Variants in PCDHGA4 observed in about 807,000 individuals in gnomAD.
PCDHGA4 encodes the protein protocadherin gamma subfamily A, 4.
Under a neutral mutation model 54.6 loss-of-function variants are expected in PCDHGA4, and 38 were observed. That is an observed-to-expected ratio of 0.70 (90% CI 0.54 to 0.91). PCDHGA4 has a LOEUF of 0.91. PCDHGA4 is among the 40% of genes least tolerant of loss of function. PCDHGA4 has a pLI of 0.00. For synonymous variants in PCDHGA4, 511 were observed against 512.9 expected (o/e 1.00, Z 0.05); for missense variants, 1,298 against 1,220.9 (o/e 1.06, Z -0.94).
Position 141,393,196 on chromosome 5 carries a change from A to G in PCDHGA4, c.2514+35575A>G, listed in dbSNP as rs369051018. 9.7e-5 allele frequency: 157 copies of G among 1,613,374 alleles called. No individual in the cohort carries two copies. The highest frequency in any genetic ancestry group is 1.3e-4 in the Non-Finnish European group (149 of 1,179,898). On this transcript the variant is annotated intron_variant, in intron 1 of 3. Coordinates refer to ENST00000571252, the MANE Select transcript of PCDHGA4 (RefSeq NM_018917.4). ...GAAATAGAAATAATTGATATTAACG[A>G]TAATAACCCAAAATTCCAGGTCGAA...
At chr5:141,421,849 G>C in intron 1 of PCDHGA4, 4 of 1,613,766 alleles carry the variant, frequency 2.5e-6, no homozygotes, top group Non-Finnish European at 3.4e-6. Flanking sequence ...GAAAGAGGCT[G>C]CTCACCTGCT....
chr5:141,374,507 A>T, intron 1 of PCDHGA4: 1 of 1,611,446 alleles, frequency 6.2e-7, no homozygotes. Flanking sequence ...GGAAGTGAAA[A>T]TTCTCGAAAA....
intron 1 of PCDHGA4, chr5:141,385,151 A>T: frequency 6.2e-7 from 1 of 1,614,224 alleles, no homozygotes; most frequent in Non-Finnish European, 8.5e-7. Context: ...GCTTTCCTGC[A>T]GACCTATTCC....
chr5:141,361,797 C>T, intron 1 of PCDHGA4: 3 of 1,613,222 alleles, frequency 1.9e-6, no homozygotes, highest in Non-Finnish European at 2.5e-6. Flanking sequence ...TAGTGGGCGA[C>T]CTCAATGACA....
intron 1 of PCDHGA4, chr5:141,371,246 T>G: frequency 6.2e-7 from 1 of 1,614,006 alleles, no homozygotes; most frequent in South Asian, 1.1e-5. Flanking sequence ...TCATCAATAT[T>G]GGCAAGGAAG....
chr5:141,395,148 C>T (rs1288484224), intron 1 of PCDHGA4: 19 of 1,614,078 alleles, frequency 1.2e-5, no homozygotes, highest in Non-Finnish European at 1.6e-5. Context: ...CGCAGACATG[C>T]TCATCAGTCA....
In PCDHGA4 at chr5:141,432,262, A is replaced by G; in HGVS notation, c.2515-62545A>G. 1.9e-6 allele frequency: 3 copies of G among 1,614,222 alleles called. No homozygotes were observed. Among genetic ancestry groups the G allele is most frequent in the Non-Finnish European group, 2.5e-6 (3 of 1,180,036 alleles). On this transcript the variant is annotated intron_variant, in intron 1 of 3. Coordinates refer to ENST00000571252, the MANE Select transcript of PCDHGA4 (RefSeq NM_018917.4). This position sits in a 1 kb window ranked among gnomAD's most constrained non-coding sequence, Gnocchi z 6.0. ...AGAACACCATCCAAGGGGCAAGCCT[A>G]TCGTCCTACGTGTCCATCAACTCCG...
At position 141,490,870 on chromosome 5, in the gene PCDHGA4, T is replaced by C; in HGVS notation, c.2515-3937T>C. Reference sequence around the variant, plus strand: ...GGTTCGAGACTCCGGCTCTCCCCCATTGCATGCCAACACATCTCTGCATGT... The same window carrying C: ...GGTTCGAGACTCCGGCTCTCCCCCACTGCATGCCAACACATCTCTGCATGT... On this transcript the variant is annotated intron_variant, in intron 1 of 3. Coordinates refer to ENST00000571252, the MANE Select transcript of PCDHGA4 (RefSeq NM_018917.4). The surrounding 1 kb of genome is among the most constrained non-coding windows in gnomAD (Gnocchi z 5.4). 6.2e-7 allele frequency: 1 copy of C among 1,613,888 alleles called. No homozygotes were observed. Among genetic ancestry groups the C allele is most frequent in the Non-Finnish European group, 8.5e-7 (1 of 1,179,932 alleles).
intron 1 of PCDHGA4, among the ~76,000 whole-genome samples, chr5:141,474,417 C>CCATT (rs1206525105): frequency 6.6e-6 from 1 of 152,222 alleles, no homozygotes; most frequent in East Asian, 1.9e-4. Context: ...GATGCCTAGA[C>CCATT]CATTGGTCCT....
chr5:141,403,895 T>C, intron 1 of PCDHGA4: 1 of 1,613,884 alleles, frequency 6.2e-7, no homozygotes, highest in Non-Finnish European at 8.5e-7. Context: ...ATGTTCATTT[T>C]ATGAAATGGA....
chr5:141,470,627 G>A (rs977900352), intron 1 of PCDHGA4, among the ~76,000 whole-genome samples: 3 of 152,154 alleles, frequency 2.0e-5, no homozygotes, highest in Non-Finnish European at 2.9e-5. Flanking sequence ...TGCTTAGATA[G>A]GCCCCCTTGC....
At chr5:141,478,019 C>T in intron 1 of PCDHGA4, 1 of 1,614,136 alleles carries the variant, frequency 6.2e-7, no homozygotes, top group Non-Finnish European at 8.5e-7. Flanking sequence ...CCGTCCAGTC[C>T]AAGACACAGA....
At chr5:141,394,419 G>C in intron 1 of PCDHGA4, 1 of 1,614,224 alleles carries the variant, frequency 6.2e-7, no homozygotes, top group East Asian at 2.2e-5. Context: ...AACAGCCAGC[G>C]ACAGCGGGGA....
At chr5:141,396,546 G>A (rs2093396215) in intron 1 of PCDHGA4, 1 of 152,118 alleles carries the variant, frequency 6.6e-6, no homozygotes, top group Non-Finnish European at 1.5e-5. Context: ...CTTGAACCCG[G>A]GAGGTGGAGG....
At chr5:141,370,520 CAG>C (rs1250098556) in intron 1 of PCDHGA4, 3 of 1,613,752 alleles carry the variant, frequency 1.9e-6, no homozygotes, top group African/African-American at 2.7e-5. Context: ...AGGAGCTGGA[CAG>C]GGGCTCGCTG....
In PCDHGA4 at chr5:141,487,265, G is replaced by A; in HGVS notation, c.2515-7542G>A. 2 of 1,614,158 alleles carry A rather than the reference G, an allele frequency of 1.2e-6. 1 individual carries two copies. Among genetic ancestry groups the A allele is most frequent in the South Asian group, 2.2e-5 (2 of 91,084 alleles). On this transcript the variant is annotated intron_variant, in intron 1 of 3. Transcript: ENST00000571252. The surrounding 1 kb of genome is among the most constrained non-coding windows in gnomAD (Gnocchi z 5.0). Reference sequence around the variant, plus strand: ...AACCCTCTACTTGGCTGTGTCCCTAGTGGCAATTTGCTTTGTCTCCTTTGG... The same window carrying A: ...AACCCTCTACTTGGCTGTGTCCCTAATGGCAATTTGCTTTGTCTCCTTTGG...
In PCDHGA4 at chr5:141,355,556, T is replaced by A; in HGVS notation, c.449T>A (p.Val150Glu). The change falls in exon 1 of 4, where the codon GTA becomes GAA. Residue 150 changes from valine to glutamate, a missense_variant. By Grantham distance (121) the Val-to-Glu change is moderately radical. Coordinates refer to ENST00000571252, the MANE Select transcript of PCDHGA4 (RefSeq NM_018917.4). Reference protein sequence around the residue: ...LLEDTVKILRVEVEIIDVNDN... With the variant: ...LLEDTVKILREEVEIIDVNDN... ...GAAGATACAGTGAAGATTTTGCGGG[T>A]AGAGGTGGAAATAATCGATGTTAAT... The A allele has an allele frequency of 6.2e-7, 1 of 1,613,912 alleles. No homozygotes were observed. The highest frequency in any genetic ancestry group is 8.5e-7 in the Non-Finnish European group (1 of 1,179,872).
chr5:141,410,544 G>T, intron 1 of PCDHGA4: 1 of 1,613,640 alleles, frequency 6.2e-7, no homozygotes, highest in Non-Finnish European at 8.5e-7. Flanking sequence ...GACATGGTTT[G>T]CAGTGTTTCT....
Position 141,427,885 on chromosome 5 carries a change from ACCAGGGCTCGC to A in PCDHGA4, c.2515-66919_2515-66909del, listed in dbSNP as rs772694818. 4 of 1,565,134 alleles carry A rather than the reference ACCAGGGCTCGC, an allele frequency of 2.6e-6. No homozygotes were observed. In the East Asian group the frequency reaches 6.7e-5, roughly 26 times the overall value. ...TTCGAGCTCACGATGCAGGCCCACGACCAGGGCTCGCCCGCGCTCAGCGCCAACATGAGCCG... is the reference window on the plus strand; with the variant it reads ...TTCGAGCTCACGATGCAGGCCCACGACCGCGCTCAGCGCCAACATGAGCCG... On this transcript the variant is annotated intron_variant, in intron 1 of 3. Coordinates refer to ENST00000571252, the MANE Select transcript of PCDHGA4 (RefSeq NM_018917.4).
Sources: gnomAD v4.1 joint callset for allele counts (sites outside exome capture counted in the v4.1 genomes callset) on GRCh38, gnomAD v4.1.1 for gene constraint, Gnocchi (gnomAD v3.1) non-coding constraint, MANE v1.5 for transcripts, NCBI Gene and HGNC (gene_info 2026-07-23, HGNC 2026-07-21) for gene names.